Variants in DGKH observed in about 807,000 individuals in gnomAD.
DGKH encodes diacylglycerol kinase eta.
A neutral mutation model predicts 159.3 loss-of-function variants in DGKH; 90 were observed. That is an observed-to-expected ratio of 0.57 (90% CI 0.48 to 0.67). The LOEUF (loss-of-function observed/expected upper bound fraction) is 0.67, where lower values mean the gene tolerates loss of function less well. Among genes scored for constraint, DGKH ranks in the 30% least tolerant of loss-of-function variants. The pLI is 0.00. For missense variants in DGKH, 1,181 were observed against 1,506.1 expected (o/e 0.78, Z 3.57); for synonymous variants, 536 against 553.8 (o/e 0.97, Z 0.45).
At chr13:42,051,416 G>A (rs186379263) in intron 1 of DGKH, among the ~76,000 whole-genome samples, 63 of 152,184 alleles carry the variant, frequency 4.1e-4, no homozygotes, top group African/African-American at 5.8e-4. Context: ...CATTATTTAC[G>A]TCTTTTATCA....
chr13:42,166,378 C>T (rs1475326), intron 8 of DGKH, 137 bp from the exon 9 acceptor site: 88,433 of 622,060 alleles, frequency 0.14, 7,455 homozygotes, highest in Admixed American at 0.24. Flanking sequence ...AAATAGTTAA[C>T]CTATCTCTAT....
intron 3 of DGKH, among the ~76,000 whole-genome samples, chr13:42,130,255 A>G (rs760759640): frequency 3.3e-5 from 5 of 152,062 alleles, no homozygotes; most frequent in African/African-American, 1.2e-4. Context: ...CAGTGCAGCA[A>G]TTCTACCCAT....
intron 1 of DGKH, chr13:42,070,279 A>C (rs543017416): frequency 1.6e-6 from 2 of 1,222,164 alleles, no homozygotes; most frequent in Non-Finnish European, 2.4e-6. Context: ...TGGCTCAGTC[A>C]TGTGATTTCT....
chr13:42,124,531 T>C (rs1009881436), intron 1 of DGKH, among the ~76,000 whole-genome samples: 7 of 152,196 alleles, frequency 4.6e-5, no homozygotes, highest in Admixed American at 4.6e-4. Flanking sequence ...TAAAAATAAG[T>C]AGGCTTTGGG....
intron 5 of DGKH, among the ~76,000 whole-genome samples, chr13:42,156,895 A>G (rs1212647463): frequency 6.6e-6 from 1 of 152,194 alleles, no homozygotes; most frequent in Non-Finnish European, 1.5e-5. Context: ...TACAAACTAT[A>G]ACCAGGAGAA....
At chr13:42,045,236 G>A (rs1228106859), upstream of DGKH, among the ~76,000 whole-genome samples, 1 of 152,132 alleles carries the variant, frequency 6.6e-6, no homozygotes, top group Non-Finnish European at 1.5e-5. Flanking sequence ...GAGCCTTTGA[G>A]CCCAGAGTTT....
At chr13:42,116,516 CACTTTACA>C (rs754581689) in intron 1 of DGKH, among the ~76,000 whole-genome samples, 1 of 152,182 alleles carries the variant, frequency 6.6e-6, no homozygotes, top group African/African-American at 2.4e-5. Flanking sequence ...CTGACCTTTG[CACTTTACA>C]CACCTGTTTA....
intron 17 of DGKH, among the ~76,000 whole-genome samples, chr13:42,195,350 A>C (rs920204438): frequency 1.3e-5 from 2 of 152,136 alleles, no homozygotes; most frequent in Non-Finnish European, 2.9e-5. Flanking sequence ...AAATACAAAA[A>C]AATTAGCTAA....
intron 26 of DGKH, among the ~76,000 whole-genome samples, chr13:42,218,299 CA>C (rs1213078067): frequency 6.6e-6 from 1 of 152,036 alleles, no homozygotes; most frequent in Non-Finnish European, 1.5e-5. Flanking sequence ...TTAAAATATC[CA>C]AACCCAGTTT....
chr13:42,113,347 A>G (rs1212773773), intron 1 of DGKH, among the ~76,000 whole-genome samples: 1 of 152,216 alleles, frequency 6.6e-6, no homozygotes, highest in Admixed American at 6.5e-5. Context: ...AGATTTTAGT[A>G]TGTGTAGGTT....
chr13:42,135,068 A>T (rs1272629997), intron 3 of DGKH, among the ~76,000 whole-genome samples: 2 of 152,218 alleles, frequency 1.3e-5, no homozygotes, highest in Non-Finnish European at 2.9e-5. Context: ...TGAGTTTATG[A>T]TTACACAAGT....
intron 26 of DGKH, among the ~76,000 whole-genome samples, chr13:42,218,141 G>A (rs148433699): frequency 0.014 from 2,191 of 152,302 alleles, 50 homozygotes; most frequent in African/African-American, 0.048. Flanking sequence ...TAATTACAAG[G>A]CCAGGAGTAG....
intron 3 of DGKH, among the ~76,000 whole-genome samples, chr13:42,153,532 G>A (rs548421286): frequency 6.6e-6 from 1 of 152,310 alleles, no homozygotes; most frequent in East Asian, 1.9e-4. Context: ...ATAAATGCTA[G>A]AGACAATATT....
chr13:42,057,914 C>T (rs1318221048), intron 1 of DGKH, among the ~76,000 whole-genome samples: 2 of 151,880 alleles, frequency 1.3e-5, no homozygotes, highest in African/African-American at 4.8e-5. Context: ...GTAGAAGGAA[C>T]AGCAGCTGCA....
chr13:42,061,826 A>G (rs1380832021), intron 1 of DGKH, among the ~76,000 whole-genome samples: 1 of 152,204 alleles, frequency 6.6e-6, no homozygotes, highest in Non-Finnish European at 1.5e-5. Flanking sequence ...CTGAGATGGT[A>G]AAAGAACATA....
chr13:42,190,380 A>G lies in DGKH; in HGVS notation c.1913-23A>G, dbSNP rs188628394. ...GGCTTTATTTTCACTTATCCAAACT[A>G]TTTGTCTTCTTACTACCTGAAGTTA... On this transcript the variant is annotated intron_variant, in intron 15 of 29. Transcript: ENST00000337343. 148 of 1,599,372 alleles carry G rather than the reference A, an allele frequency of 9.3e-5. 1 individual carries two copies. The African/African-American group carries it at 1.4e-3, about 16-fold the overall frequency.
rs530701074 is a variant in DGKH, at chr13:42,083,240, A to G, written c.192+34275A>G. ...CAAAAAACAAAAACAAAAACACAAA[A>G]AAAGAGGGAGAGAGATTTGCTTCGT... On this transcript the variant is annotated intron_variant, in intron 1 of 29. Transcript: ENST00000337343. Among the ~76,000 whole-genome samples the G allele has an allele frequency of 2.0e-5, 3 of 152,336 alleles. No individual in the cohort carries two copies. In the South Asian group the frequency reaches 6.2e-4, roughly 32 times the overall value.
chr13:42,069,502 A>G, intron 1 of DGKH: 1 of 1,580,682 alleles, frequency 6.3e-7, no homozygotes, highest in African/African-American at 1.3e-5. Context: ...AGTTCCTGCA[A>G]TAAAGGAATG....
At chr13:42,093,422 G>A (rs1209020528) in intron 1 of DGKH, among the ~76,000 whole-genome samples, 1 of 152,124 alleles carries the variant, frequency 6.6e-6, no homozygotes. Flanking sequence ...ACGTATAATT[G>A]TGTAGCCATG....
Sources: allele counts gnomAD v4.1 joint callset (sites outside exome capture counted in the v4.1 genomes callset), GRCh38; gene constraint gnomAD v4.1.1; transcripts MANE v1.5; gene names NCBI Gene and HGNC (gene_info 2026-07-23, HGNC 2026-07-21).